WARS1: variants seen among roughly 807,000 people sequenced by gnomAD.
WARS1 encodes the protein tryptophan--tRNA ligase, cytoplasmic.
In WARS1, 17 loss-of-function variants were observed where a neutral mutation model predicts 47.8. That is an observed-to-expected ratio of 0.36 (90% CI 0.24 to 0.53). The LOEUF is 0.53. Among genes scored for constraint, WARS1 ranks in the 20% least tolerant of loss-of-function variants. The probability of loss-of-function intolerance (pLI) is 0.91; values close to 1 mark genes in which losing one functional copy is unlikely to be tolerated. For missense variants in WARS1, 434 were observed against 608.0 expected (o/e 0.71, Z 3.01); for synonymous variants, 208 against 228.1 (o/e 0.91, Z 0.79).
intron 7 of WARS1, 103 bp downstream of exon 7, chr14:100,346,643 C>G (rs1894637553): frequency 2.0e-6 from 2 of 989,472 alleles, no homozygotes; most frequent in Non-Finnish European, 3.1e-6. Flanking sequence ...GTTGCAAACG[C>G]TAACATCTCA....
intron 2 of WARS1, chr14:100,367,048 TA>T (rs555512348): frequency 0.036 from 20,803 of 578,730 alleles, 175 homozygotes; most frequent in African/African-American, 0.086. Flanking sequence ...AAAATAAGAT[TA>T]AAAAAAAAAA....
chr14:100,354,411 A>C, intron 5 of WARS1, 36 bp downstream of exon 5: 2 of 1,601,956 alleles, frequency 1.2e-6, no homozygotes, highest in South Asian at 1.1e-5. Context: ...TCAATTCACT[A>C]AGAGAGTAAG....
intron 2 of WARS1, among the ~76,000 whole-genome samples, chr14:100,367,528 C>T (rs558925522): frequency 3.1e-4 from 37 of 120,814 alleles, no homozygotes; most frequent in South Asian, 2.6e-3. Context: ...GCGGAGGTTG[C>T]GGTGAGTCGA....
At chr14:100,371,865 T>C (rs868282783) in intron 1 of WARS1, among the ~76,000 whole-genome samples, 1 of 152,168 alleles carries the variant, frequency 6.6e-6, no homozygotes, top group African/African-American at 2.4e-5. Flanking sequence ...GCTTGGGTAA[T>C]GTCAGGTCTC....
chr14:100,368,017 C>T (rs1033364791), intron 2 of WARS1, among the ~76,000 whole-genome samples: 1 of 152,104 alleles, frequency 6.6e-6, no homozygotes, highest in Non-Finnish European at 1.5e-5. Context: ...GGTGAAAGAA[C>T]CCCTTGGGTC....
Position 100,366,757 on chromosome 14 carries a change from G to A in WARS1, c.99+2330C>T, listed in dbSNP as rs536719072. On this transcript the variant is annotated intron_variant, in intron 2 of 10. Transcript: ENST00000392882. ...TGGCTGAAAAAGGGCTAAGGGATCC[G>A]TGGGGCCACAATGAAGCTTGAAGAT... 1.3e-4 allele frequency: 126 copies of A among 950,974 alleles called. 2 individuals are homozygous for A. In the South Asian group the frequency reaches 1.5e-3, roughly 12 times the overall value. The allele number at this position is 950,974 out of a possible 1,614,324, so 58.9% of individuals were successfully genotyped here. A position where few individuals can be genotyped will look rare whatever the true frequency, so the allele number is the denominator to read the frequency against.
chr14:100,341,877 G>A (rs1305741822), intron 9 of WARS1, among the ~76,000 whole-genome samples: 1 of 152,192 alleles, frequency 6.6e-6, no homozygotes, highest in Non-Finnish European at 1.5e-5. Flanking sequence ...CAGTGCTGCT[G>A]ATTCCTGGTG....
chr14:100,364,499 A>G (rs1895838496), intron 2 of WARS1, among the ~76,000 whole-genome samples: 1 of 152,204 alleles, frequency 6.6e-6, no homozygotes, highest in Admixed American at 6.5e-5. Flanking sequence ...ATTTTGCTAA[A>G]AGTTAATTTT....
chr14:100,335,027 T>G lies in WARS1; in HGVS notation c.1264A>C (p.Ser422Arg), dbSNP rs764382529. The G allele has an allele frequency of 1.2e-6, 2 of 1,613,882 alleles. No individual in the cohort carries two copies. Among genetic ancestry groups the G allele is most frequent in the South Asian group, 2.2e-5 (2 of 91,062 alleles). The stretch of plus-strand genomic sequence containing the variant: ...AGCTCACCGGTGAGCATGGCTCCGC[T>G]GGTGTAATCCTGCCCGGAGGGAGAC... ...KLEQIRKDYT[S>R]GAMLTGELKK... Residue 422 changes from serine to arginine, a missense_variant, in exon 11 of 11, where the codon AGC becomes CGC. By Grantham distance (110) the Ser-to-Arg change is moderately radical (BLOSUM62 -1). Transcript: ENST00000392882.
intron 4 of WARS1, among the ~76,000 whole-genome samples, chr14:100,360,113 T>C (rs1373053317): frequency 6.6e-6 from 1 of 152,232 alleles, no homozygotes; most frequent in African/African-American, 2.4e-5. Flanking sequence ...ATCTGTTCCA[T>C]GCATTCTCTG....
chr14:100,341,716 T>G (rs530715476), intron 9 of WARS1, among the ~76,000 whole-genome samples: 2 of 152,378 alleles, frequency 1.3e-5, no homozygotes, highest in South Asian at 4.1e-4. Flanking sequence ...AAATGTTTGC[T>G]GAATGCCTGC....
At chr14:100,339,209 T>C (rs1893967864) in intron 9 of WARS1, among the ~76,000 whole-genome samples, 1 of 151,766 alleles carries the variant, frequency 6.6e-6, no homozygotes, top group South Asian at 2.1e-4. Context: ...CAGATGAGTG[T>C]TGGGGCAAAG....
intron 6 of WARS1, among the ~76,000 whole-genome samples, chr14:100,347,898 C>T (rs554505313): frequency 1.3e-5 from 2 of 152,248 alleles, no homozygotes; most frequent in African/African-American, 4.8e-5. Context: ...TATATTGCAT[C>T]TTTGTATTAC....
chr14:100,357,195 G>A (rs1895373882), intron 4 of WARS1, among the ~76,000 whole-genome samples: 1 of 152,116 alleles, frequency 6.6e-6, no homozygotes, highest in Non-Finnish European at 1.5e-5. Flanking sequence ...AGTCTTTACT[G>A]AAAGTTTTTC....
chr14:100,338,325 GTGTGA>G (rs1487413169), intron 9 of WARS1, among the ~76,000 whole-genome samples: 1 of 152,002 alleles, frequency 6.6e-6, no homozygotes, highest in Non-Finnish European at 1.5e-5. Flanking sequence ...GAGTGCAGTG[GTGTGA>G]TCATGGCTCA....
chr14:100,346,759 G>A lies in WARS1; in HGVS notation c.813C>T (p.Asp271=). The change falls in exon 7 of 11, where the codon GAC becomes GAT. Residue 271 remains aspartate (D), a synonymous_variant. Transcript: ENST00000392882. ...NQVKGIFGFT[D]SDCIGKISFP... ...TGGGCCTCTTACCAATGCAGTCGCTGTCAGTGAAGCCGAAAATGCCTTTCA... is the reference window on the plus strand; with the variant it reads ...TGGGCCTCTTACCAATGCAGTCGCTATCAGTGAAGCCGAAAATGCCTTTCA... 1.9e-6 allele frequency: 3 copies of A among 1,614,072 alleles called. No individual in the cohort carries two copies. The highest frequency in any genetic ancestry group is 2.5e-6 in the Non-Finnish European group (3 of 1,179,892).
At chr14:100,358,303 T>C (rs8010851) in intron 4 of WARS1, among the ~76,000 whole-genome samples, 103,863 of 151,812 alleles carry the variant, frequency 0.68, 36,726 homozygotes, top group Admixed American at 0.81. Flanking sequence ...TGGCTAATTT[T>C]TTGTATTTTT....
chr14:100,338,256 G>T lies in WARS1; in HGVS notation c.1114-1054C>A, dbSNP rs139934726. On this transcript the variant is annotated intron_variant, in intron 9 of 10. Coordinates refer to ENST00000392882, the MANE Select transcript of WARS1 (RefSeq NM_004184.4). ...CAACATTCTTTCAGTGAGCATCTGA[G>T]AAAATGTCACCCTAATTTTTTTTTT... Among the ~76,000 whole-genome samples, 523 of 152,204 alleles carry T rather than the reference G, an allele frequency of 3.4e-3. 4 individuals carry two copies. The highest frequency in any genetic ancestry group is 0.012 in the African/African-American group (500 of 41,530).
At chr14:100,353,665 C>T in intron 6 of WARS1, 22 bp downstream of exon 6, 1 of 1,610,018 alleles carries the variant, frequency 6.2e-7, no homozygotes, top group Non-Finnish European at 8.5e-7. Context: ...ATTGAAAAGG[C>T]AGCCAGACGT....
Sources: gnomAD v4.1 joint callset for allele counts (sites outside exome capture counted in the v4.1 genomes callset) on GRCh38, gnomAD v4.1.1 for gene constraint, MANE v1.5 for transcripts, NCBI Gene and HGNC (gene_info 2026-07-23, HGNC 2026-07-21) for gene names.